Variants in PTPRB observed in about 807,000 individuals in gnomAD.
PTPRB encodes protein tyrosine phosphatase receptor type B, also known as receptor-type tyrosine-protein phosphatase beta.
In PTPRB, 97 loss-of-function variants were observed where a neutral mutation model predicts 238.1. The ratio of observed to expected loss-of-function variants is 0.41; its 90% CI spans 0.35 to 0.48. The LOEUF is 0.48. PTPRB is among the 20% of genes least tolerant of loss of function. PTPRB has a pLI of 0.30. For missense variants in PTPRB, 2,292 were observed against 2,681.9 expected (o/e 0.85, Z 3.21); for synonymous variants, 970 against 995.4 (o/e 0.97, Z 0.48).
chr12:70,580,203 T>C (rs1179842169), intron 10 of PTPRB, among the ~76,000 whole-genome samples: 1 of 152,170 alleles, frequency 6.6e-6, no homozygotes, highest in Non-Finnish European at 1.5e-5. Context: ...TTACTTAGCT[T>C]TCTAACAGGG....
rs1555230172 is a variant in PTPRB, at chr12:70,576,662, T to TCGGCGGGGG, written c.2579-18_2579-17insCCCCCGCCG. ...TGGAAGGGACTGTGATTTTGAAAGG[T>TCGGCGGGGG]GGGGGGCGGGGGGGGGGGGGAAGGG... is the stretch of plus-strand genomic sequence containing the variant. On this transcript the variant is annotated splice_polypyrimidine_tract_variant and intron_variant, in intron 10 of 33. Coordinates refer to ENST00000334414, the MANE Select transcript of PTPRB (RefSeq NM_001109754.4). 1 of 15,194 alleles carries TCGGCGGGGG rather than the reference T, an allele frequency of 6.6e-5. No individual in the cohort carries two copies. The highest frequency in any genetic ancestry group is 3.3e-4 in the African/African-American group (1 of 3,076). 0.9% of individuals were successfully genotyped at this position (15,194 alleles called of 1,614,324 possible).
At chr12:70,566,923 C>A (rs1448249945) in intron 14 of PTPRB, among the ~76,000 whole-genome samples, 2 of 152,072 alleles carry the variant, frequency 1.3e-5, no homozygotes, top group African/African-American at 4.8e-5. Flanking sequence ...CATTTTTTCT[C>A]TGATTTTAAA....
At chr12:70,590,461 T>C (rs554077276) in intron 7 of PTPRB, among the ~76,000 whole-genome samples, 2 of 152,284 alleles carry the variant, frequency 1.3e-5, no homozygotes, top group South Asian at 4.1e-4. Context: ...TAATGTAATC[T>C]TCTGTTGTAG....
chr12:70,571,316 C>A, intron 12 of PTPRB, 27 bp from the exon 13 acceptor site: 1 of 1,553,716 alleles, frequency 6.4e-7, no homozygotes, highest in Non-Finnish European at 8.9e-7. Flanking sequence ...GAAGACATTT[C>A]AGGAAAGGAA....
chr12:70,524,945 ATATGTGTATATATG>A (rs1010532725), intron 32 of PTPRB, among the ~76,000 whole-genome samples: 5 of 147,366 alleles, frequency 3.4e-5, no homozygotes, highest in South Asian at 2.1e-4. Context: ...GTATGTATAT[ATATGTGTATATATG>A]TATGTGTATA....
At chr12:70,576,689 G>GGA (rs1880814174) in intron 10 of PTPRB, 44 bp from the exon 11 acceptor site, 1 of 324,724 alleles carries the variant, frequency 3.1e-6, no homozygotes, top group African/African-American at 2.7e-5. Context: ...GGGGAAGGGG[G>GGA]ATTCAAAAAG....
intron 15 of PTPRB, among the ~76,000 whole-genome samples, chr12:70,564,639 C>T (rs1379868449): frequency 2.0e-5 from 3 of 151,692 alleles, no homozygotes; most frequent in South Asian, 4.2e-4. Context: ...CGAGACCAGC[C>T]TAGGCAATGT....
At chr12:70,535,591 A>G (rs1294835582) in intron 29 of PTPRB, among the ~76,000 whole-genome samples, 1 of 152,150 alleles carries the variant, frequency 6.6e-6, no homozygotes, top group African/African-American at 2.4e-5. Flanking sequence ...GAGGATGGTA[A>G]GTGCATTACA....
intron 18 of PTPRB, 199 bp downstream of exon 18, chr12:70,559,144 G>GT: frequency 1.6e-6 from 1 of 628,566 alleles, no homozygotes; most frequent in Non-Finnish European, 2.8e-6. Flanking sequence ...TAAGCCCCAT[G>GT]AGGGCAGAGA....
At chr12:70,533,944 T>C (rs1012655179) in intron 31 of PTPRB, among the ~76,000 whole-genome samples, 6 of 152,192 alleles carry the variant, frequency 3.9e-5, no homozygotes, top group East Asian at 1.9e-4. Context: ...TATTATCCAG[T>C]CTGTGGTATT....
chr12:70,546,057 A>C (rs548630660), intron 21 of PTPRB, among the ~76,000 whole-genome samples: 1 of 151,818 alleles, frequency 6.6e-6, no homozygotes, highest in South Asian at 2.1e-4. Context: ...GAATCACTTG[A>C]ACATGGGAGG....
At position 70,539,991 on chromosome 12, in the gene PTPRB, T is replaced by A. The variant is rs375006818; in HGVS notation, c.5626A>T (p.Ser1876Cys). The A allele has an allele frequency of 1.9e-6, 3 of 1,610,988 alleles. No homozygotes were observed. Among genetic ancestry groups the A allele is most frequent in the Non-Finnish European group, 2.5e-6 (3 of 1,177,292 alleles). The change falls in exon 24 of 34, where the codon AGC becomes TGC. Residue 1876 changes from serine (S) to cysteine (C), a missense_variant. Ser to Cys is a moderately radical substitution (Grantham distance 112). This residue lies in a region of PTPRB where 397 missense variants were observed against 502.0 expected (regional missense o/e 0.79). Transcript: ENST00000334414. ...GATAATGGTCGATCCCTACGAATGC[T>A]CAGACGGGCAGAGGGTCTTTCTCGA... ...HGRERPSARL[S>C]IRRDRPLSVH...
chr12:70,632,870 T>C (rs1885518168), intron 2 of PTPRB, among the ~76,000 whole-genome samples: 1 of 152,228 alleles, frequency 6.6e-6, no homozygotes, highest in Non-Finnish European at 1.5e-5. Context: ...GAGTCTAATA[T>C]GCAGCTTGGG....
intron 4 of PTPRB, among the ~76,000 whole-genome samples, chr12:70,607,336 T>C (rs11178329): frequency 0.24 from 36,065 of 152,120 alleles, 4,512 homozygotes; most frequent in South Asian, 0.33. Flanking sequence ...GATGCCTTTC[T>C]AAACACAATT....
Position 70,581,235 on chromosome 12 carries a change from C to A in PTPRB, c.2379G>T (p.Trp793Cys), listed in dbSNP as rs759310331. The change falls in exon 10 of 34, where the codon TGG (tryptophan) becomes TGT (cysteine). Residue 793 changes from tryptophan (W) to cysteine (C), a missense_variant. By Grantham distance (215) the Trp-to-Cys change is radical. Around this residue, in one of 4 missense-constraint regions of PTPRB, gnomAD observed 1,205 missense variants for 1,287.8 expected, o/e 0.94. Coordinates refer to ENST00000334414, the MANE Select transcript of PTPRB (RefSeq NM_001109754.4). Reference sequence around the variant, plus strand: ...ATTCTACGTCTCCTTGTGCCTGGGTCCAGTTAGTAAACAGACTACTGGTCA... The same window carrying A: ...ATTCTACGTCTCCTTGTGCCTGGGTACAGTTAGTAAACAGACTACTGGTCA... ...QGMTSSLFTN[W>C]TQAQGDVEFY... is the part of the protein sequence containing the mutation. 6.2e-7 allele frequency: 1 copy of A among 1,613,948 alleles called. No individual in the cohort carries two copies. Among genetic ancestry groups the A allele is most frequent in the Non-Finnish European group, 8.5e-7 (1 of 1,179,852 alleles).
At chr12:70,601,868 T>C (rs1883529402) in intron 4 of PTPRB, among the ~76,000 whole-genome samples, 1 of 148,820 alleles carries the variant, frequency 6.7e-6, no homozygotes, top group South Asian at 2.2e-4. Flanking sequence ...CTTGGCTCAC[T>C]GCAAGCTCCG....
intron 4 of PTPRB, among the ~76,000 whole-genome samples, chr12:70,601,039 T>C (rs1309618411): frequency 6.6e-6 from 1 of 152,118 alleles, no homozygotes; most frequent in Non-Finnish European, 1.5e-5. Context: ...AGCTAATTTT[T>C]ATATTTTTAG....
intron 7 of PTPRB, among the ~76,000 whole-genome samples, chr12:70,590,467 T>G (rs1882372331): frequency 6.6e-6 from 1 of 152,178 alleles, no homozygotes; most frequent in Non-Finnish European, 1.5e-5. Flanking sequence ...AATCTTCTGT[T>G]GTAGTGTTAA....
chr12:70,560,571 CA>C lies in PTPRB; in HGVS notation c.4432+99del, dbSNP rs1878363159. The C allele has an allele frequency of 6.7e-7, 1 of 1,484,340 alleles. No homozygotes were observed. Among genetic ancestry groups the C allele is most frequent in the Admixed American group, 1.9e-5 (1 of 53,048 alleles). The allele number at this position is 1,484,340 out of a possible 1,614,324, so 91.9% of individuals were successfully genotyped here. The stretch of plus-strand genomic sequence containing the variant: ...ATTCAGGGGCTAGCTCAGGGTATAT[CA>C]TTATTGGCTTTATCTCTTGTCATTA... On this transcript the variant is annotated intron_variant, in intron 17 of 33. Coordinates refer to ENST00000334414, the MANE Select transcript of PTPRB (RefSeq NM_001109754.4). This position sits in a 1 kb window ranked among gnomAD's most constrained non-coding sequence, Gnocchi z 4.2.
Sources: gnomAD v4.1 joint callset for allele counts (sites outside exome capture counted in the v4.1 genomes callset) on GRCh38, gnomAD v4.1.1 for gene constraint, gnomAD v4.1.1 regional missense constraint, Gnocchi (gnomAD v3.1) non-coding constraint, MANE v1.5 for transcripts, NCBI Gene and HGNC (gene_info 2026-07-23, HGNC 2026-07-21) for gene names.